The following WDR62 variants were observed in gnomAD, a reference collection of about 807,000 sequenced individuals.
WDR62 encodes WD repeat domain 62.
Under a neutral mutation model 160.6 loss-of-function variants are expected in WDR62, and 112 were observed. The ratio of observed to expected loss-of-function variants is 0.70; its 90% CI spans 0.60 to 0.82. The LOEUF is 0.82. Among genes scored for constraint, WDR62 ranks in the 40% least tolerant of loss-of-function variants. The probability of loss-of-function intolerance (pLI) is 0.00; values close to 1 mark genes in which losing one functional copy is unlikely to be tolerated. For synonymous variants in WDR62, 792 were observed against 815.1 expected, an observed-to-expected ratio of 0.97 and a Z score of 0.48; for missense variants, 1,819 against 1,983.8, an observed-to-expected ratio of 0.92 and a Z score of 1.58.
At chr19:36,067,566 G>C in intron 6 of WDR62, 123 bp downstream of exon 6, 1 of 1,421,002 alleles carries the variant, frequency 7.0e-7, no homozygotes, top group Non-Finnish European at 9.8e-7. Context: ...CCTCTCAGGG[G>C]CCCAGCTGCT....
In WDR62 at chr19:36,105,031, GCGCAGCCCCTCCAC is replaced by G. The variant is rs563745564; in HGVS notation, c.*12_*25del. Reference sequence around the variant, plus strand: ...GGAGGAAGGCACGGGGGCACTGAGGGCGCAGCCCCTCCACCGCAGCCCTGCTGCTTCTGAGGACT... The same window carrying G: ...GGAGGAAGGCACGGGGGCACTGAGGGCGCAGCCCTGCTGCTTCTGAGGACT... On this transcript the variant is annotated 3_prime_UTR_variant, in exon 32 of 32. Coordinates refer to ENST00000401500, the MANE Select transcript of WDR62 (RefSeq NM_001083961.2). The G allele has an allele frequency of 1.1e-3, 1,821 of 1,595,946 alleles. 19 individuals carry two copies. In the African/African-American group the frequency reaches 0.021, roughly 18 times the overall value.
downstream of WDR62, among the ~76,000 whole-genome samples, chr19:36,105,916 C>T (rs1289661798): frequency 6.6e-6 from 1 of 151,364 alleles, no homozygotes; most frequent in Non-Finnish European, 1.5e-5. Context: ...CCAGGCTGGT[C>T]TCAAACTCCT....
chr19:36,081,423 G>A lies in WDR62; in HGVS notation c.1234-10G>A. 6.2e-7 allele frequency: 1 copy of A among 1,613,880 alleles called. No homozygotes were observed. Among genetic ancestry groups the A allele is most frequent in the Non-Finnish European group, 8.5e-7 (1 of 1,179,984 alleles). ...GAGTCATCCTTTGCCTTGTCCTCTG[G>A]GAACTGTAGGTGTATCCTGAGTTTG... On this transcript the variant is annotated splice_polypyrimidine_tract_variant and intron_variant, in intron 9 of 31. Coordinates refer to ENST00000401500, the MANE Select transcript of WDR62 (RefSeq NM_001083961.2).
At chr19:36,109,266 C>T (rs1317866466), downstream of WDR62, among the ~76,000 whole-genome samples, 2 of 152,194 alleles carry the variant, frequency 1.3e-5, no homozygotes, top group African/African-American at 4.8e-5. Flanking sequence ...ATCCCTGTAC[C>T]CGTAGCCTGG....
intron 9 of WDR62, chr19:36,075,959 A>T (rs1971550860): frequency 6.6e-6 from 1 of 152,204 alleles, no homozygotes; most frequent in Non-Finnish European, 1.5e-5. Flanking sequence ...ACCAGTTTTC[A>T]AGATAATGAA....
rs893353855 is a variant in WDR62, at chr19:36,073,299, C to G, written c.1044-43C>G. On this transcript the variant is annotated intron_variant, in intron 8 of 31. Transcript: ENST00000401500. ...GTCACTAGAGGTGGCTGTCACTACT[C>G]AGTGACATTGATGGTGATTGATTAC... is the stretch of plus-strand genomic sequence containing the variant. 6 of 1,559,198 alleles carry G rather than the reference C, an allele frequency of 3.8e-6. No homozygotes were observed. In the South Asian group the frequency reaches 5.6e-5, roughly 14 times the overall value.
In WDR62 at chr19:36,069,810, G is replaced by T. The variant is rs547666109; in HGVS notation, c.883-1746G>T. ...TGGAGACCAGCCCGGCCAACACAGC[G>T]AAACCCTGTGTTTGGTGGAGACCAA... is the stretch of plus-strand genomic sequence containing the variant. On this transcript the variant is annotated intron_variant, in intron 7 of 31. Transcript: ENST00000401500. 3.0e-4 allele frequency among the ~76,000 whole-genome samples: 45 copies of T among 152,340 alleles called. No homozygotes were observed. In the East Asian group the frequency reaches 8.3e-3, roughly 28 times the overall value.
Position 36,090,429 on chromosome 19 carries a change from GC to G in WDR62, c.1959-12del. 2 of 1,613,846 alleles carry G rather than the reference GC, an allele frequency of 1.2e-6. No homozygotes were observed. Among genetic ancestry groups the G allele is most frequent in the Non-Finnish European group, 8.5e-7 (1 of 1,179,820 alleles). On this transcript the variant is annotated splice_polypyrimidine_tract_variant and intron_variant, in intron 15 of 31. Transcript: ENST00000401500. Reference sequence around the variant, plus strand: ...GGCGGGGCCCTGTTGGCCGCAACATGCCCCTACTTCCCCAGAGTCTACAACA... The same window carrying G: ...GGCGGGGCCCTGTTGGCCGCAACATGCCCTACTTCCCCAGAGTCTACAACA...
intron 20 of WDR62, among the ~76,000 whole-genome samples, 183 bp from the exon 21 acceptor site, chr19:36,096,844 G>C (rs1313596635): frequency 6.6e-6 from 1 of 152,094 alleles, no homozygotes; most frequent in Non-Finnish European, 1.5e-5. Flanking sequence ...TTTTCACCTC[G>C]GTCAGTCTCG....
chr19:36,062,759 A>G (rs1970726440), intron 3 of WDR62: 1 of 151,958 alleles, frequency 6.6e-6, no homozygotes, highest in Non-Finnish European at 1.5e-5. Context: ...CAGCAAAATC[A>G]GGAAATGAAA....
At chr19:36,061,132 G>A (rs1355436994) in intron 3 of WDR62, 1 of 152,208 alleles carries the variant, frequency 6.6e-6, no homozygotes, top group African/African-American at 2.4e-5. Context: ...TGGTCCCTAA[G>A]GTACGGTCCT....
chr19:36,109,927 C>T (rs141292377), downstream of WDR62, among the ~76,000 whole-genome samples: 126 of 151,498 alleles, frequency 8.3e-4, 1 homozygote, highest in Middle Eastern at 3.5e-3. Context: ...CAGTGGTGTG[C>T]CCCTGTAATC....
At chr19:36,069,485 G>A (rs931306969) in intron 7 of WDR62, among the ~76,000 whole-genome samples, 1 of 151,978 alleles carries the variant, frequency 6.6e-6, no homozygotes, top group African/African-American at 2.4e-5. Context: ...CAGCCGGGAA[G>A]AGGCGCTCCT....
intron 21 of WDR62, among the ~76,000 whole-genome samples, chr19:36,097,319 C>A (rs1297495994): frequency 6.6e-6 from 1 of 152,234 alleles, no homozygotes; most frequent in African/African-American, 2.4e-5. Context: ...TTCACAGGCT[C>A]ACTTGCCTGT....
intron 22 of WDR62, among the ~76,000 whole-genome samples, chr19:36,100,543 C>T (rs1410060711): frequency 6.6e-6 from 1 of 152,214 alleles, no homozygotes; most frequent in East Asian, 1.9e-4. Context: ...GTTGGGCCTC[C>T]TATTTTTGGT....
intron 6 of WDR62, 58 bp from the exon 7 acceptor site, chr19:36,067,770 G>C: frequency 6.3e-7 from 1 of 1,581,360 alleles, no homozygotes. Flanking sequence ...CCTATCATCT[G>C]GTCATGCAGG....
chr19:36,054,997 A>G lies in WDR62; in HGVS notation c.26A>G (p.Tyr9Cys), dbSNP rs759466940. 30 of 1,607,142 alleles carry G rather than the reference A, an allele frequency of 1.9e-5. No homozygotes were observed. In the East Asian group the frequency reaches 5.8e-4, roughly 31 times the overall value. The part of the protein sequence containing the change: MAAVGSGG[Y>C]ARNDAGEKLP... The stretch of plus-strand genomic sequence containing the variant: ...ATGGCGGCCGTAGGGTCCGGAGGCT[A>G]TGCGCGGAACGATGCAGGGGAGAAG... The change falls in exon 1 of 32, where the codon TAT becomes TGT. Residue 9 changes from tyrosine (Y) to cysteine (C), a missense_variant. Tyr to Cys is a radical substitution (Grantham distance 194, BLOSUM62 -2). Transcript: ENST00000401500.
intron 13 of WDR62, 94 bp downstream of exon 13, chr19:36,086,906 A>AC (rs1364705958): frequency 4.8e-6 from 7 of 1,471,688 alleles, no homozygotes; most frequent in Non-Finnish European, 6.4e-6. Flanking sequence ...ATATATCCAA[A>AC]CAAGTGAATA....
At chr19:36,089,158 C>G in intron 14 of WDR62, 27 bp from the exon 15 acceptor site, 1 of 1,613,114 alleles carries the variant, frequency 6.2e-7, no homozygotes, top group Non-Finnish European at 8.5e-7. Context: ...TCGGGGCATT[C>G]TCTGAAGGTC....
Sources: gnomAD v4.1 joint callset for allele counts (sites outside exome capture counted in the v4.1 genomes callset) on GRCh38, gnomAD v4.1.1 for gene constraint, MANE v1.5 for transcripts, NCBI Gene and HGNC (gene_info 2026-07-23, HGNC 2026-07-21) for gene names.